The following COL25A1 variants were observed in gnomAD, a reference collection of about 807,000 sequenced individuals.
COL25A1 encodes the protein collagen alpha-1(XXV) chain.
A neutral mutation model predicts 128.4 loss-of-function variants in COL25A1; 103 were observed. The ratio of observed to expected loss-of-function variants is 0.80; its 90% CI spans 0.68 to 0.94. COL25A1 has a LOEUF of 0.94. COL25A1 is among the 40% of genes least tolerant of loss of function. The probability of loss-of-function intolerance (pLI) is 0.00; values close to 1 mark genes in which losing one functional copy is unlikely to be tolerated. For synonymous variants in COL25A1, 279 were observed against 277.2 expected (o/e 1.01, Z -0.06); for missense variants, 745 against 840.0 (o/e 0.89, Z 1.40).
At chr4:109,004,060 T>A (rs1024247274) in intron 6 of COL25A1, among the ~76,000 whole-genome samples, 1 of 152,180 alleles carries the variant, frequency 6.6e-6, no homozygotes, top group Non-Finnish European at 1.5e-5. Context: ...ATTGCTTTTT[T>A]AATTTTTTTT....
At chr4:108,959,885 T>A (rs1456010201) in intron 8 of COL25A1, among the ~76,000 whole-genome samples, 1 of 152,050 alleles carries the variant, frequency 6.6e-6, no homozygotes, top group Non-Finnish European at 1.5e-5. Flanking sequence ...TCTGAACAAA[T>A]CCAAAAAGTC....
intron 3 of COL25A1, among the ~76,000 whole-genome samples, chr4:109,167,391 A>G (rs543335972): frequency 6.6e-6 from 1 of 152,162 alleles, no homozygotes; most frequent in African/African-American, 2.4e-5. Context: ...CCACGTGTGT[A>G]ATACAAAATG....
intron 6 of COL25A1, among the ~76,000 whole-genome samples, chr4:108,977,507 G>T (rs750512805): frequency 3.0e-4 from 46 of 152,102 alleles, no homozygotes; most frequent in Non-Finnish European, 6.3e-4. Flanking sequence ...TATACAAGTA[G>T]GATTTTATTT....
rs376656576 is a variant in COL25A1, at chr4:109,050,269, A to G, written c.368-90T>C. 218 of 960,722 alleles carry G rather than the reference A, an allele frequency of 2.3e-4. 2 individuals carry two copies. In the East Asian group the frequency reaches 4.0e-3, roughly 18 times the overall value. 59.5% of individuals were successfully genotyped at this position (960,722 alleles called of 1,614,324 possible). A position where few individuals can be genotyped will look rare whatever the true frequency, so the allele number is the denominator to read the frequency against. On this transcript the variant is annotated intron_variant, in intron 3 of 37. Transcript: ENST00000399132. ...GTAAATAATTTATATATATTTTCTCATTGTTTTTAACTACCAACTTCAAGA... is the reference window on the plus strand; with the variant it reads ...GTAAATAATTTATATATATTTTCTCGTTGTTTTTAACTACCAACTTCAAGA...
intron 6 of COL25A1, among the ~76,000 whole-genome samples, chr4:108,996,722 GATACTAAA>G (rs1418790505): frequency 2.0e-5 from 3 of 152,250 alleles, no homozygotes; most frequent in Admixed American, 6.5e-5. Flanking sequence ...CCACATAATT[GATACTAAA>G]ACACTCCTCA....
At chr4:109,272,642 T>C (rs1219426962) in intron 3 of COL25A1, among the ~76,000 whole-genome samples, 2 of 152,140 alleles carry the variant, frequency 1.3e-5, no homozygotes, top group African/African-American at 2.4e-5. Context: ...CTGTGGGAGT[T>C]AGAGAGGCCC....
At chr4:109,251,419 T>C (rs1052907027) in intron 3 of COL25A1, among the ~76,000 whole-genome samples, 4 of 152,156 alleles carry the variant, frequency 2.6e-5, no homozygotes, top group Non-Finnish European at 4.4e-5. Context: ...TAGTTTTCCA[T>C]TGACATTAAT....
intron 36 of COL25A1, 61 bp from the exon 37 acceptor site, chr4:108,817,496 T>C (rs1339944773): frequency 2.7e-6 from 4 of 1,498,538 alleles, no homozygotes; most frequent in Non-Finnish European, 3.7e-6. Context: ...AACTTCATAA[T>C]TCACATGCTC....
Position 108,817,231 on chromosome 4 carries a change from A to G in COL25A1, c.1962+166T>C, listed in dbSNP as rs562338399. Among the ~76,000 whole-genome samples the G allele has an allele frequency of 5.3e-5, 8 of 152,328 alleles. No homozygotes were observed. In the South Asian group the frequency reaches 1.7e-3, roughly 32 times the overall value. ...TGTTTGCTAAGAATTGCATTAGCTG[A>G]TCAGTTTAGGAAGAAATCAGCAGTA... On this transcript the variant is annotated intron_variant, in intron 37 of 37. Transcript: ENST00000399132.
chr4:109,129,152 A>G (rs1281022638), intron 3 of COL25A1, among the ~76,000 whole-genome samples: 3 of 151,582 alleles, frequency 2.0e-5, no homozygotes, highest in Admixed American at 1.3e-4. Flanking sequence ...TTTTTGAGAC[A>G]GAGTTTCACT....
At chr4:108,984,460 C>T (rs1422239609) in intron 6 of COL25A1, among the ~76,000 whole-genome samples, 1 of 152,160 alleles carries the variant, frequency 6.6e-6, no homozygotes. Flanking sequence ...ATTGGGGAGG[C>T]TCCCGCCGCA....
chr4:108,904,472 T>G (rs1485845207), intron 13 of COL25A1, among the ~76,000 whole-genome samples: 1 of 152,134 alleles, frequency 6.6e-6, no homozygotes, highest in Admixed American at 6.5e-5. Context: ...CATCTTATAT[T>G]GTATTAATGT....
intron 3 of COL25A1, among the ~76,000 whole-genome samples, chr4:109,274,681 C>T (rs535115256): frequency 1.3e-5 from 2 of 152,178 alleles, no homozygotes; most frequent in African/African-American, 2.4e-5. Context: ...TAAAATTAAA[C>T]TAAGTACTTA....
intron 3 of COL25A1, among the ~76,000 whole-genome samples, chr4:109,159,865 A>C (rs76455782): frequency 0.02 from 3,067 of 152,292 alleles, 97 homozygotes; most frequent in South Asian, 0.13. Context: ...GAAAGTAAGC[A>C]AGCTTGTCAA....
chr4:109,014,190 C>T (rs1466560739), intron 5 of COL25A1, among the ~76,000 whole-genome samples: 4 of 152,100 alleles, frequency 2.6e-5, no homozygotes, highest in Admixed American at 2.6e-4. Context: ...ACCTGTAATT[C>T]CACCTACTTG....
chr4:109,030,938 G>T (rs1287091402), intron 5 of COL25A1, among the ~76,000 whole-genome samples: 1 of 151,858 alleles, frequency 6.6e-6, no homozygotes, highest in African/African-American at 2.4e-5. Flanking sequence ...ACAGAGTTTC[G>T]CCATATTGCC....
At chr4:109,291,434 C>T (rs1013495409) in intron 3 of COL25A1, among the ~76,000 whole-genome samples, 1 of 152,100 alleles carries the variant, frequency 6.6e-6, no homozygotes, top group South Asian at 2.1e-4. Flanking sequence ...CATTTTTATA[C>T]ACAACCAAAA....
In COL25A1 at chr4:109,212,413, G is replaced by A. The variant is rs149720913; in HGVS notation, c.367+88170C>T. On this transcript the variant is annotated intron_variant, in intron 3 of 37. Coordinates refer to ENST00000399132, the MANE Select transcript of COL25A1 (RefSeq NM_198721.4). ...GGCTTGGCATTATTATGATATAGAGGCTGAGTTCCAAAAGGGAGCCCTCCA... is the reference window on the plus strand; with the variant it reads ...GGCTTGGCATTATTATGATATAGAGACTGAGTTCCAAAAGGGAGCCCTCCA... 3.5e-4 allele frequency among the ~76,000 whole-genome samples: 54 copies of A among 152,232 alleles called. 1 individual carries two copies. Among genetic ancestry groups the A allele is most frequent in the African/African-American group, 1.3e-3 (52 of 41,544 alleles).
At chr4:109,049,693 G>C (rs1034432102) in intron 4 of COL25A1, among the ~76,000 whole-genome samples, 2 of 152,276 alleles carry the variant, frequency 1.3e-5, no homozygotes, top group East Asian at 3.9e-4. Flanking sequence ...GTGCCAATTG[G>C]ATAAAATAAC....
Sources: allele counts gnomAD v4.1 joint callset (sites outside exome capture counted in the v4.1 genomes callset), GRCh38; gene constraint gnomAD v4.1.1; transcripts MANE v1.5; gene names NCBI Gene and HGNC (gene_info 2026-07-23, HGNC 2026-07-21).